ARHGAP8: variants seen among roughly 807,000 people sequenced by gnomAD.
ARHGAP8 encodes the protein rho GTPase-activating protein 8.
ARHGAP8 carries 62 observed loss-of-function variants against 46.1 expected under a neutral mutation model. That is an observed-to-expected ratio of 1.34 (90% CI 1.10 to 1.66). The LOEUF (loss-of-function observed/expected upper bound fraction) is 1.66. Ranked by LOEUF, ARHGAP8 falls within the 40% of genes most tolerant of loss-of-function variation. The probability of loss-of-function intolerance (pLI) is 0.00; values close to 1 mark genes in which losing one functional copy is unlikely to be tolerated. For missense variants in ARHGAP8, 923 were observed against 568.4 expected, an observed-to-expected ratio of 1.62 and a Z score of -6.34; for synonymous variants, 375 against 243.1, an observed-to-expected ratio of 1.54 and a Z score of -5.05.
At chr22:44,860,617 A>AAT (rs2070429409) in intron 11 of ARHGAP8, among the ~76,000 whole-genome samples, 2 of 126,532 alleles carry the variant, frequency 1.6e-5, no homozygotes, top group South Asian at 5.5e-4. Context: ...TCTATCTTAG[A>AAT]GGGGCCACCA....
chr22:44,847,949 T>C, intron 8 of ARHGAP8, 24 bp from the exon 9 acceptor site: 1 of 1,605,138 alleles, frequency 6.2e-7, no homozygotes, highest in Non-Finnish European at 8.5e-7. Context: ...ACCTGTGAGA[T>C]GCCTGGAAGC....
intron 10 of ARHGAP8, among the ~76,000 whole-genome samples, chr22:44,857,153 T>A (rs1431113922): frequency 1.4e-5 from 2 of 145,822 alleles, no homozygotes; most frequent in Non-Finnish European, 3.0e-5. Context: ...TTGGTCAGGC[T>A]GGTCTCAAAC....
At chr22:44,777,995 CTATTTTATTTATTTATT>C (rs1421708302) in intron 1 of ARHGAP8, among the ~76,000 whole-genome samples, 1 of 146,402 alleles carries the variant, frequency 6.8e-6, no homozygotes, top group Non-Finnish European at 1.5e-5. Flanking sequence ...TGTGCCTGGA[CTATTTTATTTATTTATT>C]TATTTATTTA....
At chr22:44,760,944 C>T (rs961222961) in intron 1 of ARHGAP8, among the ~76,000 whole-genome samples, 7 of 152,076 alleles carry the variant, frequency 4.6e-5, no homozygotes, top group African/African-American at 1.4e-4. Context: ...GAGGCATGTG[C>T]GGACTCACAT....
intron 10 of ARHGAP8, 45 bp downstream of exon 10, chr22:44,849,105 A>C: frequency 6.2e-7 from 1 of 1,609,792 alleles, no homozygotes; most frequent in Non-Finnish European, 8.5e-7. Context: ...TGGTCCTCAG[A>C]TGCTGTCCCC....
intron 7 of ARHGAP8, among the ~76,000 whole-genome samples, chr22:44,832,648 TTG>T (rs928179477): frequency 1.1e-4 from 16 of 152,178 alleles, no homozygotes; most frequent in Admixed American, 2.0e-4. Flanking sequence ...TCTAATATTT[TTG>T]TGTGTGGATT....
intron 9 of ARHGAP8, among the ~76,000 whole-genome samples, chr22:44,848,563 C>T (rs115311959): frequency 2.6e-4 from 39 of 152,346 alleles, no homozygotes; most frequent in African/African-American, 9.4e-4. Context: ...CATGGAGCAT[C>T]AGGTCTGCAC....
intron 7 of ARHGAP8, among the ~76,000 whole-genome samples, chr22:44,842,462 G>A (rs1464337481): frequency 6.6e-6 from 1 of 152,196 alleles, no homozygotes; most frequent in African/African-American, 2.4e-5. Context: ...ATCAAACAGT[G>A]TGACTGTTTG....
intron 3 of ARHGAP8, among the ~76,000 whole-genome samples, chr22:44,802,366 T>G (rs1928620825): frequency 6.6e-6 from 1 of 152,156 alleles, no homozygotes; most frequent in Non-Finnish European, 1.5e-5. Context: ...TGTGCACCAT[T>G]CATTAGCACA....
intron 11 of ARHGAP8, 140 bp from the exon 12 acceptor site, chr22:44,862,135 G>C: frequency 9.9e-7 from 1 of 1,009,504 alleles, no homozygotes; most frequent in Non-Finnish European, 1.4e-6. Context: ...GGCTGCACAG[G>C]GTCCCCATTA....
In ARHGAP8 at chr22:44,833,138, G is replaced by A. The variant is rs147741488; in HGVS notation, c.596+7545G>A. Among the ~76,000 whole-genome samples, 25 of 133,324 alleles carry A rather than the reference G, an allele frequency of 1.9e-4. 1 individual carries two copies. Among genetic ancestry groups the A allele is most frequent in the African/African-American group, 5.1e-4 (18 of 35,006 alleles). The allele number at this position is 133,324 out of a possible 152,430, so 87.5% of individuals were successfully genotyped here. On this transcript the variant is annotated intron_variant, in intron 7 of 11. Coordinates refer to ENST00000356099, the MANE Select transcript of ARHGAP8 (RefSeq NM_181335.3). ...TTGAGATAGAGTCTCCCTCTGTTGC[G>A]TAGGTTGGAGCACAGTGGTGCAATT...
At chr22:44,858,669 C>A (rs1327491307) in intron 10 of ARHGAP8, among the ~76,000 whole-genome samples, 3 of 149,650 alleles carry the variant, frequency 2.0e-5, no homozygotes, top group Non-Finnish European at 4.4e-5. Context: ...CTGTGCCTGG[C>A]TGGTTGGTGG....
intron 6 of ARHGAP8, among the ~76,000 whole-genome samples, chr22:44,825,163 G>T (rs2071759): frequency 1.4e-4 from 22 of 152,016 alleles, no homozygotes; most frequent in African/African-American, 5.1e-4. Context: ...AGACACTTGC[G>T]AGAGCTGAGG....
chr22:44,753,957 A>T (rs1924460185), intron 1 of ARHGAP8, among the ~76,000 whole-genome samples: 1 of 152,182 alleles, frequency 6.6e-6, no homozygotes, highest in South Asian at 2.1e-4. Context: ...CTTTAGGATC[A>T]TGTTTGTGGA....
At position 44,862,769 on chromosome 22, in the gene ARHGAP8, G is replaced by A; in HGVS notation, c.*174G>A. On this transcript the variant is annotated 3_prime_UTR_variant, in exon 12 of 12. Transcript: ENST00000356099. ...TCTTGTCCATGGTTCCTGAGCTGTG[G>A]ACCGGGATAGAATAATGCATTTGTT... 5.1e-6 allele frequency: 4 copies of A among 786,768 alleles called. No individual in the cohort carries two copies. The highest frequency in any genetic ancestry group is 7.6e-6 in the Non-Finnish European group (4 of 525,398). 48.7% of individuals were successfully genotyped at this position (786,768 alleles called of 1,614,324 possible). A position where few individuals can be genotyped will look rare whatever the true frequency, so the allele number is the denominator to read the frequency against.
chr22:44,837,639 A>T (rs2269537), intron 7 of ARHGAP8, among the ~76,000 whole-genome samples: 9,572 of 152,242 alleles, frequency 0.063, 763 homozygotes, highest in East Asian at 0.42. Flanking sequence ...GGTCATTGCT[A>T]TGCACAGCAC....
At position 44,862,287 on chromosome 22, in the gene ARHGAP8, A is replaced by G; in HGVS notation, c.994A>G (p.Ser332Gly). The change falls in exon 12 of 12, where the codon AGC becomes GGC. Residue 332 changes from serine (S) to glycine (G), a missense_variant. Ser to Gly is a moderately conservative substitution (Grantham distance 56). Transcript: ENST00000356099. The stretch of plus-strand genomic sequence containing the variant: ...TGGTTTCCTCCAGGTGTCCCGGGAG[A>G]GCATCTTCAACAAAATGAACAGCTC... ...MGFLHAVSRE[S>G]IFNKMNSSNL... The G allele has an allele frequency of 1.3e-6, 2 of 1,592,974 alleles. No individual in the cohort carries two copies. Among genetic ancestry groups the G allele is most frequent in the Non-Finnish European group, 1.7e-6 (2 of 1,164,086 alleles).
At chr22:44,764,089 G>A (rs915730344) in intron 1 of ARHGAP8, among the ~76,000 whole-genome samples, 1 of 152,138 alleles carries the variant, frequency 6.6e-6, no homozygotes, top group Non-Finnish European at 1.5e-5. Context: ...TGGGATTACA[G>A]GCGTGAGCCA....
At chr22:44,753,451 C>A (rs1324435182) in intron 1 of ARHGAP8, among the ~76,000 whole-genome samples, 2 of 152,096 alleles carry the variant, frequency 1.3e-5, no homozygotes, top group African/African-American at 4.8e-5. Flanking sequence ...GACCACCTGA[C>A]CTCAGGTGAT....
Sources: gnomAD v4.1 joint callset for allele counts (sites outside exome capture counted in the v4.1 genomes callset) on GRCh38, gnomAD v4.1.1 for gene constraint, MANE v1.5 for transcripts, NCBI Gene and HGNC (gene_info 2026-07-23, HGNC 2026-07-21) for gene names.